The following PRDM16 variants were observed in gnomAD, a reference collection of about 807,000 sequenced individuals.
PRDM16 encodes histone-lysine N-methyltransferase PRDM16.
In PRDM16, 23 loss-of-function variants were observed where a neutral mutation model predicts 110.6. That is an observed-to-expected ratio of 0.21 (90% CI 0.15 to 0.29). The LOEUF is 0.29. PRDM16 is among the 10% of genes least tolerant of loss of function. The pLI, the probability that PRDM16 is intolerant of heterozygous loss-of-function variation, is 1.00. For synonymous variants in PRDM16, 799 were observed against 781.8 expected (o/e 1.02, Z -0.37); for missense variants, 1,615 against 1,794.3 (o/e 0.90, Z 1.81).
intron 9 of PRDM16, among the ~76,000 whole-genome samples, chr1:3,413,614 C>G (rs764210986): frequency 6.6e-6 from 1 of 152,188 alleles, no homozygotes; most frequent in African/African-American, 2.4e-5. Context: ...TGAGCAAGTC[C>G]TGTCCTAATA....
At chr1:3,317,810 G>C (rs1276504446) in intron 3 of PRDM16, among the ~76,000 whole-genome samples, 1 of 152,236 alleles carries the variant, frequency 6.6e-6, no homozygotes, top group Non-Finnish European at 1.5e-5. Flanking sequence ...TAGAGACCCA[G>C]AAAAGTTTCC....
intron 3 of PRDM16, among the ~76,000 whole-genome samples, chr1:3,345,321 G>C (rs184347833): frequency 1.6e-4 from 25 of 152,260 alleles, no homozygotes; most frequent in African/African-American, 5.5e-4. Context: ...ATCTGCAGGA[G>C]AGTACATCCA....
chr1:3,332,461 C>A (rs1048017522), intron 3 of PRDM16, among the ~76,000 whole-genome samples: 2 of 152,048 alleles, frequency 1.3e-5, no homozygotes, highest in African/African-American at 4.8e-5. Flanking sequence ...TGGCCTGGCC[C>A]CCCCTCGGTT....
chr1:3,332,671 C>T lies in PRDM16; in HGVS notation c.439-52481C>T, dbSNP rs546396480. Among the ~76,000 whole-genome samples, 4 of 152,194 alleles carry T rather than the reference C, an allele frequency of 2.6e-5. No homozygotes were observed. The South Asian group carries it at 6.2e-4, about 24-fold the overall frequency. On this transcript the variant is annotated intron_variant, in intron 3 of 16. Coordinates refer to ENST00000270722, the MANE Select transcript of PRDM16 (RefSeq NM_022114.4). ...ATTGTTGTGCAAACACCACTTCTGC[C>T]GACTTCCGAGAGGCTTTCACCACCC...
intron 3 of PRDM16, among the ~76,000 whole-genome samples, chr1:3,302,969 T>C (rs1158214213): frequency 6.6e-6 from 1 of 152,194 alleles, no homozygotes; most frequent in South Asian, 2.1e-4. Flanking sequence ...ATATAAAATC[T>C]GGGTATAATG....
intron 1 of PRDM16, among the ~76,000 whole-genome samples, chr1:3,105,062 G>C (rs536114587): frequency 6.6e-6 from 1 of 151,970 alleles, no homozygotes; most frequent in Non-Finnish European, 1.5e-5. Context: ...GGGTGGGGGC[G>C]GGTGGAAGGT....
chr1:3,164,091 C>A (rs773850710), intron 1 of PRDM16, among the ~76,000 whole-genome samples: 111 of 152,344 alleles, frequency 7.3e-4, no homozygotes, highest in Middle Eastern at 3.4e-3. Flanking sequence ...TGGCCCGCTG[C>A]GCCCTGAAGC....
intron 1 of PRDM16, among the ~76,000 whole-genome samples, chr1:3,117,836 C>T (rs1025972700): frequency 2.6e-5 from 4 of 152,252 alleles, no homozygotes; most frequent in South Asian, 2.1e-4. Context: ...GAGAGGCCTC[C>T]GCACATTCAT....
chr1:3,405,546 G>C lies in PRDM16; in HGVS notation c.1084G>C (p.Gly362Arg). The change falls in exon 8 of 17, where the codon GGC (glycine) becomes CGC (arginine). Residue 362 changes from glycine to arginine, a missense_variant. Physicochemically the swap from Gly to Arg is moderately radical, Grantham distance 125 (BLOSUM62 -2). This residue lies in a region of PRDM16 where 82 missense variants were observed against 144.4 expected (regional missense o/e 0.57). Transcript: ENST00000270722. Reference protein sequence around the residue: ...LQRHIRSQHVGARAHACPDCG... With the variant: ...LQRHIRSQHVRARAHACPDCG... ...GCGGCACATCCGCTCGCAGCACGTG[G>C]GCGCTCGGGCCCACGCCTGCCCCGA... 6.2e-7 allele frequency: 1 copy of C among 1,607,712 alleles called. No individual in the cohort carries two copies. Among genetic ancestry groups the C allele is most frequent in the Non-Finnish European group, 8.5e-7 (1 of 1,177,426 alleles).
chr1:3,328,873 C>T (rs538387244), intron 3 of PRDM16, among the ~76,000 whole-genome samples: 4 of 152,274 alleles, frequency 2.6e-5, no homozygotes, highest in South Asian at 4.1e-4. Flanking sequence ...CCAATGCCCA[C>T]GCCCTGGACC....
intron 4 of PRDM16, among the ~76,000 whole-genome samples, chr1:3,385,715 G>A (rs1013969851): frequency 3.9e-5 from 6 of 152,206 alleles, no homozygotes; most frequent in Non-Finnish European, 5.9e-5. Context: ...CGAAGAGTCC[G>A]CACCGGCCAA....
intron 1 of PRDM16, among the ~76,000 whole-genome samples, chr1:3,165,562 A>AGGGCTCAGGCACAGGGACTCACCT: frequency 7.7e-5 from 1 of 13,044 alleles, no homozygotes; most frequent in Non-Finnish European, 1.2e-4. Context: ...GGGACTCACC[A>AGGGCTCAGGCACAGGGACTCACCT]GGGCTCAGGG....
chr1:3,400,340 C>T (rs893142948), intron 5 of PRDM16, among the ~76,000 whole-genome samples: 3 of 152,222 alleles, frequency 2.0e-5, no homozygotes, highest in Non-Finnish European at 4.4e-5. Flanking sequence ...CCACGTGGGG[C>T]TCCCACCAGA....
intron 2 of PRDM16, among the ~76,000 whole-genome samples, chr1:3,233,829 A>G (rs1557547078): frequency 6.6e-6 from 1 of 151,922 alleles, no homozygotes; most frequent in East Asian, 1.9e-4. Context: ...AAAGTTGTCT[A>G]CATTAAATAC....
At chr1:3,099,729 C>G (rs770184304) in intron 1 of PRDM16, among the ~76,000 whole-genome samples, 2 of 152,168 alleles carry the variant, frequency 1.3e-5, no homozygotes, top group African/African-American at 2.4e-5. Flanking sequence ...CCCACCAGGC[C>G]GCCATGGCAG....
intron 3 of PRDM16, among the ~76,000 whole-genome samples, chr1:3,310,526 G>A (rs1251033895): frequency 6.6e-6 from 1 of 152,156 alleles, no homozygotes; most frequent in Admixed American, 6.5e-5. Context: ...AGCTCCACTT[G>A]GGGAGGTTGG....
chr1:3,411,617 C>G lies in PRDM16; in HGVS notation c.1420C>G (p.Pro474Ala), dbSNP rs754177610. The G allele has an allele frequency of 1.9e-6, 3 of 1,613,932 alleles. No individual in the cohort carries two copies. In the Admixed American group the frequency reaches 5.0e-5, roughly 27 times the overall value. The part of the protein sequence containing the change: ...TPSPMMDKAK[P>A]SPSLNHASLG... ...CAGCCCCATGATGGACAAGGCAAAA[C>G]CCTCCCCCAGCCTCAATCACGCCAG... Residue 474 changes from proline (P) to alanine (A), a missense_variant, in exon 9 of 17, where the codon CCC becomes GCC. Physicochemically the swap from Pro to Ala is conservative, Grantham distance 27. Transcript: ENST00000270722.
At chr1:3,112,591 C>T (rs1203469808) in intron 1 of PRDM16, among the ~76,000 whole-genome samples, 6 of 152,230 alleles carry the variant, frequency 3.9e-5, no homozygotes. Flanking sequence ...GCCTGCAGCT[C>T]CAACCCACGC....
intron 3 of PRDM16, among the ~76,000 whole-genome samples, chr1:3,327,473 C>G (rs1641940500): frequency 6.6e-6 from 1 of 150,620 alleles, no homozygotes; most frequent in Non-Finnish European, 1.5e-5. Context: ...CAACGCTCAT[C>G]CCACGGTCAG....
Sources: gnomAD v4.1 joint callset for allele counts (sites outside exome capture counted in the v4.1 genomes callset) on GRCh38, gnomAD v4.1.1 for gene constraint, gnomAD v4.1.1 regional missense constraint, MANE v1.5 for transcripts, NCBI Gene and HGNC (gene_info 2026-07-23, HGNC 2026-07-21) for gene names.